The following SUPT16H variants were observed in gnomAD, a reference collection of about 807,000 sequenced individuals.
SUPT16H encodes the protein SPT16 homolog, facilitates chromatin remodeling subunit.
SUPT16H carries 24 observed loss-of-function variants against 136.2 expected under a neutral mutation model. That is an observed-to-expected ratio of 0.18 (90% CI 0.13 to 0.25). The LOEUF (loss-of-function observed/expected upper bound fraction) is 0.25. Among genes scored for constraint, SUPT16H ranks in the 10% least tolerant of loss-of-function variants. The pLI is 1.00. For synonymous variants in SUPT16H, 415 were observed against 428.2 expected (o/e 0.97, Z 0.38); for missense variants, 623 against 1,270.2 (o/e 0.49, Z 7.74).
intron 19 of SUPT16H, among the ~76,000 whole-genome samples, chr14:21,358,847 G>A (rs1886488968): frequency 1.3e-5 from 2 of 152,106 alleles, no homozygotes; most frequent in Non-Finnish European, 2.9e-5. Context: ...CTTGCTAGTC[G>A]CCCAGGCTGG....
At chr14:21,375,759 A>G (rs527824864) in intron 1 of SUPT16H, among the ~76,000 whole-genome samples, 127 of 151,976 alleles carry the variant, frequency 8.4e-4, no homozygotes, top group African/African-American at 2.9e-3. Context: ...TGCCTGGCTA[A>G]TTTTTGTATT....
chr14:21,352,925 G>A, intron 25 of SUPT16H, 107 bp from the exon 26 acceptor site: 3 of 1,438,870 alleles, frequency 2.1e-6, no homozygotes, highest in Non-Finnish European at 2.9e-6. Flanking sequence ...TCAGACCCAA[G>A]TTTTAATATT....
At chr14:21,366,929 T>C (rs1886683376) in intron 7 of SUPT16H, among the ~76,000 whole-genome samples, 1 of 151,652 alleles carries the variant, frequency 6.6e-6, no homozygotes, top group African/African-American at 2.4e-5. Flanking sequence ...TAGGTGTAAA[T>C]CACTCCACCT....
intron 3 of SUPT16H, among the ~76,000 whole-genome samples, chr14:21,371,488 T>A (rs1272710184): frequency 6.6e-6 from 1 of 152,162 alleles, no homozygotes; most frequent in African/African-American, 2.4e-5. Context: ...TGAGAAAACA[T>A]CCCATGTTAG....
At chr14:21,357,844 G>T in intron 21 of SUPT16H, 83 bp downstream of exon 21, 1 of 1,300,934 alleles carries the variant, frequency 7.7e-7, no homozygotes, top group Non-Finnish European at 1.1e-6. Context: ...AAATGAAAAT[G>T]ACAATAATTA....
At chr14:21,362,175 A>G (rs1320330661) in intron 15 of SUPT16H, 22 bp downstream of exon 15, 1 of 1,609,516 alleles carries the variant, frequency 6.2e-7, no homozygotes, top group East Asian at 2.2e-5. Flanking sequence ...GAATCTGGGT[A>G]TGACTTTTCT....
At chr14:21,357,409 C>A in intron 21 of SUPT16H, 43 bp from the exon 22 acceptor site, 1 of 1,473,104 alleles carries the variant, frequency 6.8e-7, no homozygotes. Context: ...AGTATTTCCC[C>A]CAAAGCAATA....
rs147874876 is a variant in SUPT16H at position 21,360,466 on chromosome 14, C to T, written c.2124G>A (p.Leu708=). 51 of 1,614,048 alleles carry T rather than the reference C, an allele frequency of 3.2e-5. No individual in the cohort carries two copies. Among genetic ancestry groups the T allele is most frequent in the Non-Finnish European group, 3.9e-5 (46 of 1,180,022 alleles). The change falls in exon 18 of 26, where the codon TTG becomes TTA. Residue 708 remains leucine (L), a synonymous_variant. Coordinates refer to ENST00000216297, the MANE Select transcript of SUPT16H (RefSeq NM_007192.4). ...TCATTTCTCCATCACAGGGCTGGAA[C>T]AAAGCATGCTTAATATTATTGTACA... is the stretch of plus-strand genomic sequence containing the variant. The part of the protein sequence containing the change: ...DILYNNIKHA[L]FQPCDGEMII...
intron 15 of SUPT16H, 161 bp from the exon 16 acceptor site, chr14:21,361,374 T>A: frequency 1.2e-6 from 1 of 838,998 alleles, no homozygotes; most frequent in Non-Finnish European, 1.9e-6. Flanking sequence ...TGGAGTGCAG[T>A]GGCCCAATCT....
At chr14:21,373,980 G>C (rs368114479) in intron 1 of SUPT16H, among the ~76,000 whole-genome samples, 1 of 152,076 alleles carries the variant, frequency 6.6e-6, no homozygotes, top group African/African-American at 2.4e-5. Flanking sequence ...CACCTGCTTC[G>C]GTCTCCCAAA....
rs779648070 is a variant in SUPT16H, at chr14:21,364,886, T to C, written c.1174A>G (p.Lys392Glu). The part of the protein sequence containing the change: ...GFSDLTNKEG[K>E]KPEEKTYALF... ...GCATAGGTTTTCTCTTCTGGCTTTT[T>C]CCCCTCCTTGTTAGTCAGGTCTGAG... Residue 392 changes from lysine to glutamate, a missense_variant, in exon 10 of 26, where the codon AAA (lysine) becomes GAA (glutamate). By Grantham distance (56) the Lys-to-Glu change is moderately conservative (BLOSUM62 1). This residue lies in a region of SUPT16H where 343 missense variants were observed against 525.7 expected (regional missense o/e 0.65). Transcript: ENST00000216297. The C allele has an allele frequency of 5.6e-6, 9 of 1,613,454 alleles. No homozygotes were observed. Among genetic ancestry groups the C allele is most frequent in the African/African-American group, 1.3e-5 (1 of 75,018 alleles).
chr14:21,358,277 G>T, intron 20 of SUPT16H, 38 bp downstream of exon 20: 1 of 1,253,780 alleles, frequency 8.0e-7, no homozygotes, highest in South Asian at 1.3e-5. Context: ...CCAAAAGACA[G>T]ACCAGTCAAA....
intron 2 of SUPT16H, 52 bp downstream of exon 2, chr14:21,373,286 C>T (rs572745220): frequency 3.7e-6 from 5 of 1,341,618 alleles, no homozygotes; most frequent in South Asian, 3.5e-5. Flanking sequence ...CTGAACAGTG[C>T]AGTAGATAAT....
At chr14:21,353,450 G>A (rs774217838) in intron 25 of SUPT16H, 38 bp downstream of exon 25, 30 of 1,580,012 alleles carry the variant, frequency 1.9e-5, no homozygotes, top group African/African-American at 4.1e-5. Context: ...AAATTTGTGC[G>A]TAGACAAATG....
rs557590014 is a variant in SUPT16H, at chr14:21,363,569, A to G, written c.1234-66T>C. ...GGCAATTTCATTTTCTAACCTAGTA[A>G]ACGGCTGGGCAATGCTTTGAATCTT... On this transcript the variant is annotated intron_variant, in intron 10 of 25. Coordinates refer to ENST00000216297, the MANE Select transcript of SUPT16H (RefSeq NM_007192.4). The G allele has an allele frequency of 2.8e-6, 4 of 1,412,000 alleles. No homozygotes were observed. The African/African-American group carries it at 4.3e-5, about 15-fold the overall frequency. The allele number at this position is 1,412,000 out of a possible 1,614,324, so 87.5% of individuals were successfully genotyped here.
At chr14:21,352,896 C>G (rs1379830767) in intron 25 of SUPT16H, 78 bp from the exon 26 acceptor site, 75 of 1,586,264 alleles carry the variant, frequency 4.7e-5, no homozygotes, top group Non-Finnish European at 5.9e-5. Flanking sequence ...TGAGATAGTA[C>G]AGAGAATACA....
intron 1 of SUPT16H, among the ~76,000 whole-genome samples, chr14:21,374,948 C>G (rs546069320): frequency 6.6e-6 from 1 of 152,290 alleles, no homozygotes; most frequent in Admixed American, 6.5e-5. Flanking sequence ...TCCAATTTTT[C>G]CACGTTAACC....
chr14:21,359,662 T>C (rs1886509268), intron 18 of SUPT16H, 53 bp from the exon 19 acceptor site: 1 of 1,588,212 alleles, frequency 6.3e-7, no homozygotes, highest in East Asian at 2.2e-5. Flanking sequence ...AAGGTATCTG[T>C]GATGGAAATG....
chr14:21,355,646 A>T (rs1238473188), intron 22 of SUPT16H, among the ~76,000 whole-genome samples: 1 of 151,710 alleles, frequency 6.6e-6, no homozygotes, highest in African/African-American at 2.4e-5. Flanking sequence ...GTAGGAACAA[A>T]TTTTTTTTCC....
Sources: allele counts gnomAD v4.1 joint callset (sites outside exome capture counted in the v4.1 genomes callset), GRCh38; gene constraint gnomAD v4.1.1; regional missense constraint gnomAD v4.1.1; transcripts MANE v1.5; gene names NCBI Gene and HGNC (gene_info 2026-07-23, HGNC 2026-07-21).